ASTN2: variants seen among roughly 807,000 people sequenced by gnomAD.
ASTN2 encodes astrotactin-2.
A neutral mutation model predicts 139.8 loss-of-function variants in ASTN2; 54 were observed. The ratio of observed to expected loss-of-function variants is 0.39; its 90% CI spans 0.31 to 0.48. The LOEUF (loss-of-function observed/expected upper bound fraction) is 0.48. Ranked by LOEUF, ASTN2 falls within the 20% of genes least tolerant of loss-of-function variation. The pLI is 0.95. For synonymous variants in ASTN2, 756 were observed against 719.5 expected, an observed-to-expected ratio of 1.05 and a Z score of -0.81; for missense variants, 1,565 against 1,725.1, an observed-to-expected ratio of 0.91 and a Z score of 1.64.
intron 19 of ASTN2, among the ~76,000 whole-genome samples, chr9:116,587,372 CTGTTATAGAAGA>C (rs1449995539): frequency 6.9e-6 from 1 of 144,410 alleles, no homozygotes; most frequent in Admixed American, 7.0e-5. Context: ...AAAAAGCACA[CTGTTATAGAAGA>C]TCAGATCTCA....
intron 13 of ASTN2, among the ~76,000 whole-genome samples, chr9:116,792,360 T>C (rs548570659): frequency 9.0e-4 from 137 of 152,288 alleles, no homozygotes; most frequent in African/African-American, 3.3e-3. Flanking sequence ...GAGTTTGTCT[T>C]CAACCTTTGA....
At chr9:116,982,980 G>C (rs961698189) in intron 7 of ASTN2, among the ~76,000 whole-genome samples, 6 of 152,174 alleles carry the variant, frequency 3.9e-5, no homozygotes, top group African/African-American at 1.2e-4. Context: ...GCCCATGAGA[G>C]TGCAAAGCCT....
intron 8 of ASTN2, 130 bp from the exon 9 acceptor site, chr9:116,976,318 C>A (rs534183290): frequency 4.3e-6 from 3 of 704,932 alleles, no homozygotes; most frequent in African/African-American, 1.8e-5. Flanking sequence ...GGCAAGACTA[C>A]TTATATTATA....
chr9:117,341,920 T>A (rs548091643), intron 1 of ASTN2, among the ~76,000 whole-genome samples: 18 of 152,298 alleles, frequency 1.2e-4, no homozygotes, highest in Middle Eastern at 3.4e-3. Flanking sequence ...TTGTTTTCAA[T>A]TGCTTGAGTG....
intron 16 of ASTN2, chr9:116,686,674 A>T (rs1407556219): frequency 1.3e-6 from 2 of 1,549,072 alleles, no homozygotes; most frequent in African/African-American, 2.7e-5. Flanking sequence ...GCAAAACTAC[A>T]CTTGGTTTGG....
intron 3 of ASTN2, among the ~76,000 whole-genome samples, chr9:117,194,837 CAA>C (rs1831450633): frequency 6.6e-6 from 1 of 152,126 alleles, no homozygotes; most frequent in Admixed American, 6.6e-5. Context: ...GAGATAGATG[CAA>C]AGATTCAACA....
At chr9:116,833,826 G>A (rs1344948919) in intron 11 of ASTN2, among the ~76,000 whole-genome samples, 1 of 152,152 alleles carries the variant, frequency 6.6e-6, no homozygotes, top group Non-Finnish European at 1.5e-5. Context: ...ATTCGCAGTT[G>A]AAGCCTTGGG....
intron 6 of ASTN2, among the ~76,000 whole-genome samples, chr9:117,016,501 A>C (rs1401706737): frequency 2.7e-5 from 4 of 150,642 alleles, no homozygotes; most frequent in African/African-American, 9.8e-5. Flanking sequence ...GGACCACTTC[A>C]TAGAAGAGAC....
At chr9:116,702,530 G>T (rs372862759) in intron 16 of ASTN2, among the ~76,000 whole-genome samples, 2 of 151,994 alleles carry the variant, frequency 1.3e-5, no homozygotes, top group African/African-American at 4.8e-5. Flanking sequence ...TTTATTGAGG[G>T]CTAACTAATC....
At chr9:116,571,001 A>C (rs1373014423) in intron 19 of ASTN2, among the ~76,000 whole-genome samples, 1 of 152,186 alleles carries the variant, frequency 6.6e-6, no homozygotes, top group Non-Finnish European at 1.5e-5. Flanking sequence ...GTTTCTTTGC[A>C]ACATTTGCTG....
intron 11 of ASTN2, among the ~76,000 whole-genome samples, chr9:116,832,614 T>C (rs1216832951): frequency 2.0e-5 from 3 of 152,096 alleles, no homozygotes; most frequent in South Asian, 2.1e-4. Flanking sequence ...TCCATTGATA[T>C]GATGATGTGA....
intron 3 of ASTN2, among the ~76,000 whole-genome samples, chr9:117,150,575 A>C (rs1000478044): frequency 8.5e-5 from 13 of 152,208 alleles, no homozygotes. Context: ...TTGGGCAAAT[A>C]ACTTAACACT....
Position 116,840,744 on chromosome 9 carries a change from G to A in ASTN2, c.2041-19961C>T, listed in dbSNP as rs1406653851. On this transcript the variant is annotated intron_variant, in intron 11 of 22. Transcript: ENST00000313400. ...ACGCTCCTCACATCCCGGACGGGGCGGCAGGGCAGAGGTGCTCCCCACATC... is the reference window on the plus strand; with the variant it reads ...ACGCTCCTCACATCCCGGACGGGGCAGCAGGGCAGAGGTGCTCCCCACATC... Among the ~76,000 whole-genome samples, 26 of 145,316 alleles carry A rather than the reference G, an allele frequency of 1.8e-4. No homozygotes were observed. In the East Asian group the frequency reaches 2.3e-3, roughly 13 times the overall value.
At position 116,425,704 on chromosome 9, in the gene ASTN2, A is replaced by C. The variant is rs73656835; in HGVS notation, c.*147T>G. The C allele has an allele frequency of 6.2e-7, 1 of 1,607,420 alleles. No homozygotes were observed. The highest frequency in any genetic ancestry group is 8.5e-7 in the Non-Finnish European group (1 of 1,177,640). ...GTCTCTGTCCACTATCCACAGGAGA[A>C]ACCGTTTGCTTTGGCCTTGCTGGCA... On this transcript the variant is annotated 3_prime_UTR_variant, in exon 23 of 23. Transcript: ENST00000313400.
chr9:117,025,774 G>C (rs1432696238), intron 6 of ASTN2, among the ~76,000 whole-genome samples: 1 of 150,758 alleles, frequency 6.6e-6, no homozygotes, highest in Non-Finnish European at 1.5e-5. Context: ...CTAATATTGT[G>C]GTTTTTCTTT....
chr9:116,929,935 G>T (rs115820443), intron 10 of ASTN2, among the ~76,000 whole-genome samples: 12 of 152,164 alleles, frequency 7.9e-5, no homozygotes, highest in Non-Finnish European at 4.4e-5. Context: ...AGTTCCACAC[G>T]ACACCTGCTA....
chr9:116,661,577 G>A (rs976937158), intron 16 of ASTN2, among the ~76,000 whole-genome samples: 1 of 152,098 alleles, frequency 6.6e-6, no homozygotes, highest in Non-Finnish European at 1.5e-5. Context: ...AGATGGAGAA[G>A]GAGACGCTTA....
chr9:116,846,393 A>C (rs898789193), intron 11 of ASTN2, among the ~76,000 whole-genome samples: 3 of 152,208 alleles, frequency 2.0e-5, no homozygotes, highest in Non-Finnish European at 4.4e-5. Context: ...GTATTTTAAT[A>C]AAAGGGAAGC....
At chr9:116,708,427 C>T (rs1297568471) in intron 16 of ASTN2, among the ~76,000 whole-genome samples, 2 of 152,198 alleles carry the variant, frequency 1.3e-5, no homozygotes, top group Non-Finnish European at 2.9e-5. Flanking sequence ...CAAAGGGATG[C>T]AGTATCCTTT....
Sources: gnomAD v4.1 joint callset for allele counts (sites outside exome capture counted in the v4.1 genomes callset) on GRCh38, gnomAD v4.1.1 for gene constraint, MANE v1.5 for transcripts, NCBI Gene and HGNC (gene_info 2026-07-23, HGNC 2026-07-21) for gene names.